Variants in MYH8 observed in about 807,000 individuals in gnomAD.
MYH8 encodes the protein myosin-8.
MYH8 carries 168 observed loss-of-function variants against 233.2 expected under a neutral mutation model. The ratio of observed to expected loss-of-function variants is 0.72; its 90% CI spans 0.64 to 0.82. MYH8 has a LOEUF of 0.82. Among genes scored for constraint, MYH8 ranks in the 40% least tolerant of loss-of-function variants. The pLI is 0.00. For synonymous variants in MYH8, 785 were observed against 850.6 expected (o/e 0.92, Z 1.34); for missense variants, 1,995 against 2,327.8 (o/e 0.86, Z 2.94).
In MYH8 at chr17:10,394,264, C is replaced by G; in HGVS notation, c.5151G>C (p.Gln1717His). The change falls in exon 35 of 40, where the codon CAG becomes CAC. Residue 1717 changes from glutamine (Q) to histidine (H), a missense_variant. By Grantham distance (24) the Gln-to-His change is conservative. Transcript: ENST00000403437. ...QELLDASERV[Q>H]LLHTQNTSLI... ...AGGGTCTCACCTGGGTGTGGAGGAG[C>G]TGGACACGCTCACTGGCATCCAGGA... is the stretch of plus-strand genomic sequence containing the variant. The G allele has an allele frequency of 6.2e-7, 1 of 1,613,910 alleles. No homozygotes were observed. The highest frequency in any genetic ancestry group is 1.7e-5 in the Admixed American group (1 of 60,008).
intron 39 of MYH8, 151 bp from the exon 40 acceptor site, chr17:10,390,754 A>G (rs2072014161): frequency 2.2e-6 from 2 of 921,568 alleles, no homozygotes; most frequent in Admixed American, 2.3e-5. Context: ...TATAACTTCA[A>G]CTACAATTTT....
chr17:10,400,297 G>C lies in MYH8; in HGVS notation c.3735+93C>G, dbSNP rs553147980. 1 of 1,438,840 alleles carries C rather than the reference G, an allele frequency of 7.0e-7. No homozygotes were observed. Among genetic ancestry groups the C allele is most frequent in the Non-Finnish European group, 9.7e-7 (1 of 1,032,294 alleles). The allele number at this position is 1,438,840 out of a possible 1,614,324, so 89.1% of individuals were successfully genotyped here. ...TATTTGGTTAGAAAATATTTGAGTAGTGCTGTAAAATGCCTGCAAACAATG... is the reference window on the plus strand; with the variant it reads ...TATTTGGTTAGAAAATATTTGAGTACTGCTGTAAAATGCCTGCAAACAATG... On this transcript the variant is annotated intron_variant, in intron 27 of 39. Transcript: ENST00000403437. This position sits in a 1 kb window ranked among gnomAD's most constrained non-coding sequence, Gnocchi z 4.0.
At chr17:10,394,071 C>CA (rs546842579) in intron 35 of MYH8, among the ~76,000 whole-genome samples, 178 bp downstream of exon 35, 118 of 49,986 alleles carry the variant, frequency 2.4e-3, no homozygotes, top group Middle Eastern at 0.026. Flanking sequence ...ACCAAAAAAA[C>CA]AAAAAAAAAT....
In MYH8 at chr17:10,395,441, C is replaced by G. The variant is rs762568851; in HGVS notation, c.4654G>C (p.Ala1552Pro). 5 of 1,613,896 alleles carry G rather than the reference C, an allele frequency of 3.1e-6. No homozygotes were observed. The highest frequency in any genetic ancestry group is 3.3e-5 in the Admixed American group (2 of 60,022). ...EIQAALEEAE[A>P]SLEHEEGKIL... ...TTTCCTTCTTCATGTTCAAGAGATG[C>G]CTTAACAAAACAGTGATCAATTAAT... is the stretch of plus-strand genomic sequence containing the variant. The change falls in exon 34 of 40, where the codon GCA (alanine) becomes CCA (proline). Residue 1552 changes from alanine to proline, a missense_variant and splice_region_variant. Ala to Pro is a conservative substitution (Grantham distance 27). Transcript: ENST00000403437.
chr17:10,418,703 C>T lies in MYH8; in HGVS notation c.453G>A (p.Gln151=), dbSNP rs1035779069. 2 of 1,613,812 alleles carry T rather than the reference C, an allele frequency of 1.2e-6. No individual in the cohort carries two copies. The highest frequency in any genetic ancestry group is 2.7e-5 in the African/African-American group (2 of 74,922). The change falls in exon 5 of 40, where the codon CAG becomes CAA. Residue 151 remains glutamine (Q), a synonymous_variant. Transcript: ENST00000403437. The part of the protein sequence containing the change: ...VVAAYRGKKR[Q]EAPPHIFSIS... ...TGGAGAAGATGTGGGGCGGGGCCTC[C>T]TGGCGCTTTTTGCCTCTGTAGGCAG...
chr17:10,392,553 G>T lies in MYH8; in HGVS notation c.5557C>A (p.Leu1853Ile). Residue 1853 changes from leucine (L) to isoleucine (I), a missense_variant, in exon 38 of 40, where the codon CTC (leucine) becomes ATC (isoleucine). Coordinates refer to ENST00000403437, the MANE Select transcript of MYH8 (RefSeq NM_002472.3). ...LRKHERRVKE[L>I]TYQTEEDRKN... The stretch of plus-strand genomic sequence containing the variant: ...GCTATTCCCTTTACCTGGTAGGTGA[G>T]TTCTTTTACTCGTCGCTCATGTTTC... 1 of 1,614,084 alleles carries T rather than the reference G, an allele frequency of 6.2e-7. No individual in the cohort carries two copies. Among genetic ancestry groups the T allele is most frequent in the Non-Finnish European group, 8.5e-7 (1 of 1,179,918 alleles).
intron 28 of MYH8, among the ~76,000 whole-genome samples, chr17:10,399,109 T>C (rs1221119416): frequency 6.6e-6 from 1 of 151,778 alleles, no homozygotes; most frequent in Non-Finnish European, 1.5e-5. Flanking sequence ...TGCATTACAC[T>C]TGCCAGTTCA....
Position 10,396,673 on chromosome 17 carries a change from G to A in MYH8, c.4408C>T (p.Leu1470Phe), listed in dbSNP as rs1201657302. The change falls in exon 32 of 40, where the codon CTT becomes TTT. Residue 1470 changes from leucine to phenylalanine, a missense_variant. This residue lies in a region of MYH8 where 1,498 missense variants were observed against 1,680.9 expected (regional missense o/e 0.89). Coordinates refer to ENST00000403437, the MANE Select transcript of MYH8 (RefSeq NM_002472.3). The surrounding 1 kb of genome is among the most constrained non-coding windows in gnomAD (Gnocchi z 4.2). ...KQKYEETQAE[L>F]EASQKESRSL... ...CGTGACTCCTTCTGGGAGGCCTCAA[G>A]TTCAGCCTGAGTTTCCTCATACTTC... The A allele has an allele frequency of 1.9e-6, 3 of 1,614,126 alleles. No homozygotes were observed. The highest frequency in any genetic ancestry group is 2.2e-5 in the South Asian group (2 of 91,094).
Position 10,415,254 on chromosome 17 carries a change from C to T in MYH8, c.741+38G>A, listed in dbSNP as rs1321222072. On this transcript the variant is annotated intron_variant, in intron 8 of 39. Coordinates refer to ENST00000403437, the MANE Select transcript of MYH8 (RefSeq NM_002472.3). The surrounding 1 kb of genome is among the most constrained non-coding windows in gnomAD (Gnocchi z 4.1). The stretch of plus-strand genomic sequence containing the variant: ...AAATGAAATAATAATTCAGACGTGG[C>T]TACTCTGGAAGTTAGGGGTTGAGAC... 5 of 1,605,146 alleles carry T rather than the reference C, an allele frequency of 3.1e-6. No homozygotes were observed. The highest frequency in any genetic ancestry group is 4.3e-6 in the Non-Finnish European group (5 of 1,171,966).
intron 21 of MYH8, 83 bp from the exon 22 acceptor site, chr17:10,404,668 T>C (rs956010774): frequency 6.6e-7 from 1 of 1,525,430 alleles, no homozygotes; most frequent in African/African-American, 1.4e-5. Flanking sequence ...ATTTCCCTTT[T>C]AATGAATGCC....
chr17:10,418,998 AG>A lies in MYH8; in HGVS notation c.242del (p.Pro81LeufsTer2). On this transcript the variant is annotated frameshift_variant, in exon 4 of 40. Transcript: ENST00000403437. LOFTEE classifies it high-confidence loss of function. ...TTTTGTCATATTTCGGAGGGTTCATAGGGAAGACTTGGTCTTCCCTGACAGT... is the reference window on the plus strand; with the variant it reads ...TTTTGTCATATTTCGGAGGGTTCATAGGAAGACTTGGTCTTCCCTGACAGT... Reference protein sequence around the residue: ...TLTVREDQVFPMNPPKYDKIE... With the variant: ...TLTVREDQVFXMNPPKYDKIE... 1.2e-6 allele frequency: 2 copies of A among 1,614,066 alleles called. No individual in the cohort carries two copies. Among genetic ancestry groups the A allele is most frequent in the African/African-American group, 2.7e-5 (2 of 74,924 alleles).
In MYH8 at chr17:10,414,017, G is replaced by A. The variant is rs369506465; in HGVS notation, c.1032C>T (p.Phe344=). 8.1e-6 allele frequency: 13 copies of A among 1,614,008 alleles called. No individual in the cohort carries two copies. In the African/African-American group the frequency reaches 1.5e-4, roughly 18 times the overall value. The change falls in exon 12 of 40, where the codon TTC becomes TTT. Residue 344 remains phenylalanine (F), a synonymous_variant. Coordinates refer to ENST00000403437, the MANE Select transcript of MYH8 (RefSeq NM_002472.3). ...AGATGGACACTTTCTCTTCAGGAGT[G>A]AAGCCCAGGATGTCAATGGCACTCT... ...ATDSAIDILG[F]TPEEKVSIYK... is the part of the protein sequence containing the mutation.
intron 15 of MYH8, among the ~76,000 whole-genome samples, chr17:10,409,814 C>T (rs1375886351): frequency 3.3e-5 from 5 of 152,214 alleles, no homozygotes; most frequent in Non-Finnish European, 7.3e-5. Flanking sequence ...TAGCTGGATA[C>T]AAACTTCCTC....
rs1160591720 is a variant in MYH8, at chr17:10,400,353, C to T, written c.3735+37G>A. ...TGATAGAGAATAATGGGTGTTCTTACAGATGATTACCTTCATTTAGAGACA... is the reference window on the plus strand; with the variant it reads ...TGATAGAGAATAATGGGTGTTCTTATAGATGATTACCTTCATTTAGAGACA... On this transcript the variant is annotated intron_variant, in intron 27 of 39. Coordinates refer to ENST00000403437, the MANE Select transcript of MYH8 (RefSeq NM_002472.3). The surrounding 1 kb of genome is among the most constrained non-coding windows in gnomAD (Gnocchi z 4.0). The T allele has an allele frequency of 3.2e-5, 52 of 1,606,978 alleles. No homozygotes were observed. The highest frequency in any genetic ancestry group is 4.2e-5 in the Non-Finnish European group (49 of 1,179,528).
In MYH8 at chr17:10,406,774, A is replaced by G. The variant is rs369392212; in HGVS notation, c.2087T>C (p.Leu696Pro). ...AMEHELVLHQLRCNGVLEGIR... is the reference protein window; with the variant it reads ...AMEHELVLHQPRCNGVLEGIR... ...GCCTTCCAGCACACCATTACACCTC[A>G]GCTGGTGCAACACAAGTTCATGTTC... Residue 696 changes from leucine (L) to proline (P), a missense_variant, in exon 19 of 40, where the codon CTG (leucine) becomes CCG (proline). Physicochemically the swap from Leu to Pro is moderately conservative, Grantham distance 98 (BLOSUM62 -3). Coordinates refer to ENST00000403437, the MANE Select transcript of MYH8 (RefSeq NM_002472.3). 41 of 1,614,060 alleles carry G rather than the reference A, an allele frequency of 2.5e-5. No individual in the cohort carries two copies. The highest frequency in any genetic ancestry group is 3.3e-5 in the Non-Finnish European group (39 of 1,180,044).
Position 10,418,706 on chromosome 17 carries a change from G to A in MYH8, c.450C>T (p.Arg150=). The change falls in exon 5 of 40, where the codon CGC becomes CGT. Residue 150 remains arginine (R), a synonymous_variant. Coordinates refer to ENST00000403437, the MANE Select transcript of MYH8 (RefSeq NM_002472.3). Reference sequence around the variant, plus strand: ...AGAAGATGTGGGGCGGGGCCTCCTGGCGCTTTTTGCCTCTGTAGGCAGCCA... The same window carrying A: ...AGAAGATGTGGGGCGGGGCCTCCTGACGCTTTTTGCCTCTGTAGGCAGCCA... The part of the protein sequence containing the change: ...EVVAAYRGKK[R]QEAPPHIFSI... The A allele has an allele frequency of 2.5e-6, 4 of 1,613,866 alleles. No individual in the cohort carries two copies. The highest frequency in any genetic ancestry group is 3.4e-6 in the Non-Finnish European group (4 of 1,179,864).
rs201064047 is a variant in MYH8, at chr17:10,406,709, A to T, written c.2152T>A (p.Tyr718Asn). 6.2e-7 allele frequency: 1 copy of T among 1,614,016 alleles called. No homozygotes were observed. Among genetic ancestry groups the T allele is most frequent in the South Asian group, 1.1e-5 (1 of 91,078 alleles). ...CRKGFPSRIL[Y>N]GDFKQRYKVL... ...ACTGACCTTTGTTTGAAATCACCAT[A>T]TAAGATTCTGCTTGGGAATCCTTTC... The change falls in exon 19 of 40, where the codon TAT (tyrosine) becomes AAT (asparagine). Residue 718 changes from tyrosine (Y) to asparagine (N), a missense_variant. Tyr to Asn is a moderately radical substitution (Grantham distance 143). Transcript: ENST00000403437.
rs764655261 is a variant in MYH8 at position 10,406,190 on chromosome 17, A to G, written c.2296-13T>C. 6.2e-7 allele frequency: 1 copy of G among 1,614,082 alleles called. No individual in the cohort carries two copies. Among genetic ancestry groups the G allele is most frequent in the Non-Finnish European group, 8.5e-7 (1 of 1,179,990 alleles). On this transcript the variant is annotated splice_polypyrimidine_tract_variant and intron_variant, in intron 20 of 39. Coordinates refer to ENST00000403437, the MANE Select transcript of MYH8 (RefSeq NM_002472.3). The stretch of plus-strand genomic sequence containing the variant: ...CTTTGAAGAAAACCTGGAGAAAGAG[A>G]GAGTCACAAATCATCTCCATACTGC...
chr17:10,401,046 T>G lies in MYH8; in HGVS notation c.3254A>C (p.Lys1085Thr). The change falls in exon 25 of 40, where the codon AAG becomes ACG. Residue 1085 changes from lysine to threonine, a missense_variant and splice_region_variant. By Grantham distance (78) the Lys-to-Thr change is moderately conservative. This residue lies in a region of MYH8 where 1,498 missense variants were observed against 1,680.9 expected (regional missense o/e 0.89). Transcript: ENST00000403437. ...AAGTTTTTTTCTAAAAGGCTCCTAC[T>G]TTTCAAGCTTTTCATCAAGTTGCTG... Reference protein sequence around the residue: ...DKQQLDEKLEKKEFEISNLIS... With the variant: ...DKQQLDEKLETKEFEISNLIS... 6.2e-7 allele frequency: 1 copy of G among 1,614,192 alleles called. No homozygotes were observed. The highest frequency in any genetic ancestry group is 8.5e-7 in the Non-Finnish European group (1 of 1,180,032).
Sources: gnomAD v4.1 joint callset for allele counts (sites outside exome capture counted in the v4.1 genomes callset) on GRCh38, gnomAD v4.1.1 for gene constraint, gnomAD v4.1.1 regional missense constraint, Gnocchi (gnomAD v3.1) non-coding constraint, MANE v1.5 for transcripts, NCBI Gene and HGNC (gene_info 2026-07-23, HGNC 2026-07-21) for gene names.